The following FBXW8 variants were observed in gnomAD, a reference collection of about 807,000 sequenced individuals.
FBXW8 encodes the protein F-box/WD repeat-containing protein 8.
A neutral mutation model predicts 65.3 loss-of-function variants in FBXW8; 57 were observed. That is an observed-to-expected ratio of 0.87 (90% confidence interval 0.71 to 1.09). The LOEUF is 1.09. Ranked by LOEUF, FBXW8 falls within the 50% of genes least tolerant of loss-of-function variation. FBXW8 has a pLI of 0.00. For missense variants in FBXW8, 777 were observed against 814.8 expected (o/e 0.95, Z 0.57); for synonymous variants, 308 against 330.2 (o/e 0.93, Z 0.73).
chr12:116,996,340 C>T (rs7976384), intron 7 of FBXW8, among the ~76,000 whole-genome samples: 16,702 of 152,094 alleles, frequency 0.11, 1,116 homozygotes, highest in Middle Eastern at 0.22. Context: ...CATACACGGA[C>T]GTGAAGAGAC....
At chr12:116,978,775 G>T (rs1159188339) in intron 5 of FBXW8, 2 of 152,322 alleles carry the variant, frequency 1.3e-5, no homozygotes, top group South Asian at 2.1e-4. Flanking sequence ...GTGGTGCATG[G>T]AAAAGATCAA....
At chr12:116,976,318 C>T (rs1389613061) in intron 5 of FBXW8, among the ~76,000 whole-genome samples, 1 of 151,336 alleles carries the variant, frequency 6.6e-6, no homozygotes, top group Non-Finnish European at 1.5e-5. Flanking sequence ...GGATCCTCAG[C>T]ATTTCTCTTT....
intron 7 of FBXW8, among the ~76,000 whole-genome samples, chr12:116,992,639 G>A (rs949372044): frequency 1.3e-5 from 2 of 152,038 alleles, no homozygotes; most frequent in African/African-American, 2.4e-5. Context: ...ACTTATAAGT[G>A]AGAACATGCT....
rs902921451 is a variant in FBXW8 at position 116,954,086 on chromosome 12, C to T, written c.677+4380C>T. ...CTGAGATCGCACCATTGCATTCCAG[C>T]CTGGGCGACAGGGCGACTCTGTCTC... On this transcript the variant is annotated intron_variant, in intron 4 of 10. Transcript: ENST00000652555. Among the ~76,000 whole-genome samples the T allele has an allele frequency of 2.1e-5, 3 of 146,070 alleles. No homozygotes were observed. In the Admixed American group the frequency reaches 2.1e-4, roughly 10 times the overall value.
intron 4 of FBXW8, among the ~76,000 whole-genome samples, chr12:116,958,577 T>C (rs1002093305): frequency 1.3e-5 from 2 of 152,000 alleles, no homozygotes; most frequent in Non-Finnish European, 2.9e-5. Context: ...TCATGGCGAG[T>C]TTATAGGCTG....
intron 8 of FBXW8, among the ~76,000 whole-genome samples, chr12:117,012,478 G>C (rs1174174578): frequency 1.3e-5 from 2 of 152,112 alleles, no homozygotes; most frequent in African/African-American, 4.8e-5. Context: ...GGGTTGCTCG[G>C]TCAGCAGCTT....
intron 3 of FBXW8, among the ~76,000 whole-genome samples, chr12:116,948,058 G>A (rs993238266): frequency 2.0e-5 from 3 of 152,138 alleles, no homozygotes. Context: ...TCAGTGTCTG[G>A]GGAGACCCTA....
intron 8 of FBXW8, among the ~76,000 whole-genome samples, chr12:117,021,520 G>A (rs1398998567): frequency 2.6e-5 from 4 of 152,098 alleles, no homozygotes; most frequent in Non-Finnish European, 1.5e-5. Context: ...TTAACTCTTT[G>A]CGCTCTCTGT....
At chr12:117,001,216 C>T (rs182634056) in intron 7 of FBXW8, among the ~76,000 whole-genome samples, 195 of 152,250 alleles carry the variant, frequency 1.3e-3, no homozygotes, top group Middle Eastern at 6.8e-3. Flanking sequence ...GAGTAGAGGC[C>T]GTTATGCCTT....
At chr12:116,974,639 C>A (rs1184597890) in intron 5 of FBXW8, among the ~76,000 whole-genome samples, 1 of 152,088 alleles carries the variant, frequency 6.6e-6, no homozygotes, top group African/African-American at 2.4e-5. Flanking sequence ...AAAAATGAAG[C>A]ATGGCTGAGG....
At chr12:116,993,722 T>A (rs1318774829) in intron 7 of FBXW8, among the ~76,000 whole-genome samples, 1 of 152,248 alleles carries the variant, frequency 6.6e-6, no homozygotes, top group Admixed American at 6.5e-5. Flanking sequence ...GATTATTTCT[T>A]TTGCTGTGCA....
intron 2 of FBXW8, among the ~76,000 whole-genome samples, chr12:116,934,635 A>T (rs1882028596): frequency 6.6e-6 from 1 of 152,222 alleles, no homozygotes; most frequent in African/African-American, 2.4e-5. Flanking sequence ...AAACTTTAAA[A>T]ATTATTATAA....
At chr12:116,964,988 C>T (rs903677893) in intron 5 of FBXW8, 134 bp downstream of exon 5, 12 of 854,906 alleles carry the variant, frequency 1.4e-5, no homozygotes, top group Non-Finnish European at 1.9e-5. Context: ...CACACATACA[C>T]TCACTCTTGC....
chr12:116,917,316 C>A (rs2137287903), intron 1 of FBXW8, among the ~76,000 whole-genome samples: 1 of 152,326 alleles, frequency 6.6e-6, no homozygotes, highest in African/African-American at 2.4e-5. Context: ...TTGCCTTGTG[C>A]CTTCCCAAGA....
At chr12:116,912,157 CTTTTTTTTTTCCTGTTT>C (rs1879999622) in intron 1 of FBXW8, among the ~76,000 whole-genome samples, 1 of 137,706 alleles carries the variant, frequency 7.3e-6, no homozygotes. Context: ...TGGGAACCCA[CTTTTTTTTTTCCTGTTT>C]TTTTTTTTTT....
At chr12:116,971,357 C>CA (rs762730882) in intron 5 of FBXW8, among the ~76,000 whole-genome samples, 6,454 of 118,110 alleles carry the variant, frequency 0.055, 304 homozygotes, top group East Asian at 0.22. Flanking sequence ...AAGACCCAGT[C>CA]AAAAAAAAAA....
At chr12:116,935,936 A>C (rs1241725999) in intron 2 of FBXW8, among the ~76,000 whole-genome samples, 1 of 152,228 alleles carries the variant, frequency 6.6e-6, no homozygotes, top group African/African-American at 2.4e-5. Flanking sequence ...GGTTATTTAT[A>C]TAGAGCTGAC....
intron 3 of FBXW8, among the ~76,000 whole-genome samples, chr12:116,946,264 GATA>G (rs1199158904): frequency 5.3e-5 from 8 of 152,166 alleles, no homozygotes; most frequent in Non-Finnish European, 4.4e-5. Flanking sequence ...GTGCATTACT[GATA>G]ATGACAAATT....
At chr12:117,000,266 G>A (rs1953482441) in intron 7 of FBXW8, among the ~76,000 whole-genome samples, 2 of 152,152 alleles carry the variant, frequency 1.3e-5, no homozygotes, top group African/African-American at 4.8e-5. Flanking sequence ...GTGAGCCACC[G>A]CACCCAGCCT....
Sources: gnomAD v4.1 joint callset for allele counts (sites outside exome capture counted in the v4.1 genomes callset) on GRCh38, gnomAD v4.1.1 for gene constraint, MANE v1.5 for transcripts, NCBI Gene and HGNC (gene_info 2026-07-23, HGNC 2026-07-21) for gene names.